The following SHROOM3 variants were observed in gnomAD, a reference collection of about 807,000 sequenced individuals.
SHROOM3 encodes the protein protein Shroom3.
In SHROOM3, 47 loss-of-function variants were observed where a neutral mutation model predicts 138.6. That is an observed-to-expected ratio of 0.34 (90% CI 0.27 to 0.43). The LOEUF (loss-of-function observed/expected upper bound fraction) is 0.43. SHROOM3 is among the 20% of genes least tolerant of loss of function. SHROOM3 has a pLI of 1.00. For missense variants in SHROOM3, 2,491 were observed against 2,596.5 expected, an observed-to-expected ratio of 0.96 and a Z score of 0.88; for synonymous variants, 1,062 against 1,063.3, an observed-to-expected ratio of 1.00 and a Z score of 0.02.
chr4:76,770,928 GTTCTCCC>G, intron 10 of SHROOM3, 30 bp downstream of exon 10: 3 of 1,614,070 alleles, frequency 1.9e-6, no homozygotes, highest in Non-Finnish European at 8.5e-7. Flanking sequence ...AGTTCAACAA[GTTCTCCC>G]TCAAAGCCCA....
chr4:76,691,645 C>A (rs942033216), intron 2 of SHROOM3, among the ~76,000 whole-genome samples: 4 of 152,154 alleles, frequency 2.6e-5, no homozygotes, highest in Non-Finnish European at 5.9e-5. Context: ...TGAACTGATT[C>A]ATGGGAATTA....
chr4:76,562,822 A>G (rs1415568025), intron 2 of SHROOM3, among the ~76,000 whole-genome samples: 7 of 152,234 alleles, frequency 4.6e-5, no homozygotes, highest in Admixed American at 1.3e-4. Flanking sequence ...TTTAAAAGCA[A>G]ATGGAACAGA....
At chr4:76,662,008 T>C (rs1718514100) in intron 2 of SHROOM3, among the ~76,000 whole-genome samples, 1 of 152,206 alleles carries the variant, frequency 6.6e-6, no homozygotes, top group South Asian at 2.1e-4. Context: ...TACTGGCAGT[T>C]GTGTTAGTTT....
At chr4:76,611,030 G>C (rs1172035143) in intron 2 of SHROOM3, among the ~76,000 whole-genome samples, 1 of 152,086 alleles carries the variant, frequency 6.6e-6, no homozygotes, top group Non-Finnish European at 1.5e-5. Flanking sequence ...AGAGTTCTAA[G>C]GTGATTTTTT....
intron 3 of SHROOM3, among the ~76,000 whole-genome samples, chr4:76,720,160 T>G (rs1434095281): frequency 2.9e-5 from 4 of 138,664 alleles, no homozygotes; most frequent in East Asian, 2.1e-4. Context: ...GGTTTTTTTT[T>G]TTTTTTTTTT....
At chr4:76,608,211 C>G (rs932355778) in intron 2 of SHROOM3, among the ~76,000 whole-genome samples, 4 of 152,206 alleles carry the variant, frequency 2.6e-5, no homozygotes, top group African/African-American at 9.7e-5. Flanking sequence ...CAACACTTGC[C>G]TAATCTACCA....
At chr4:76,559,065 G>A (rs956532053) in intron 2 of SHROOM3, 5 of 152,170 alleles carry the variant, frequency 3.3e-5, no homozygotes, top group Admixed American at 2.0e-4. Context: ...TAATGCAATC[G>A]ATAAGGTTAC....
At chr4:76,624,139 A>G (rs1229277553) in intron 2 of SHROOM3, among the ~76,000 whole-genome samples, 2 of 152,252 alleles carry the variant, frequency 1.3e-5, no homozygotes, top group African/African-American at 4.8e-5. Flanking sequence ...CATAATTAAA[A>G]TGATCATAAA....
At chr4:76,695,861 G>A (rs1027413759) in intron 2 of SHROOM3, among the ~76,000 whole-genome samples, 20 of 152,180 alleles carry the variant, frequency 1.3e-4, no homozygotes, top group African/African-American at 4.8e-4. Flanking sequence ...GTGGTGCCAC[G>A]TTGGTCTATT....
intron 2 of SHROOM3, among the ~76,000 whole-genome samples, chr4:76,640,700 C>G (rs1372288723): frequency 2.6e-5 from 4 of 152,194 alleles, no homozygotes; most frequent in Non-Finnish European, 4.4e-5. Context: ...TGCCGTTCTA[C>G]AGATGGAGAA....
chr4:76,657,600 G>A (rs1307247490), intron 2 of SHROOM3, among the ~76,000 whole-genome samples: 1 of 152,176 alleles, frequency 6.6e-6, no homozygotes, highest in Non-Finnish European at 1.5e-5. Flanking sequence ...CTCTCCTAAT[G>A]TTCCCAAATA....
At chr4:76,696,689 A>G (rs1719745422) in intron 2 of SHROOM3, among the ~76,000 whole-genome samples, 1 of 152,156 alleles carries the variant, frequency 6.6e-6, no homozygotes, top group Non-Finnish European at 1.5e-5. Context: ...TGCTTGGTCA[A>G]ATAAAAATGA....
intron 1 of SHROOM3, among the ~76,000 whole-genome samples, chr4:76,540,894 A>T (rs1475147472): frequency 6.6e-6 from 1 of 152,228 alleles, no homozygotes; most frequent in Non-Finnish European, 1.5e-5. Flanking sequence ...CTAAAATGAG[A>T]TAGGGCATGT....
intron 5 of SHROOM3, among the ~76,000 whole-genome samples, chr4:76,744,903 G>C (rs1442489920): frequency 6.6e-6 from 1 of 152,292 alleles, no homozygotes; most frequent in South Asian, 2.1e-4. Context: ...CAAAAACAAA[G>C]TCATCATGGA....
chr4:76,588,688 G>A (rs781424216), intron 2 of SHROOM3, among the ~76,000 whole-genome samples: 1 of 152,080 alleles, frequency 6.6e-6, no homozygotes, highest in Admixed American at 6.5e-5. Context: ...GCTGGGTGAA[G>A]ACCTCCCTTA....
At chr4:76,590,123 C>T (rs1169572405) in intron 2 of SHROOM3, among the ~76,000 whole-genome samples, 2 of 152,188 alleles carry the variant, frequency 1.3e-5, no homozygotes, top group Non-Finnish European at 2.9e-5. Context: ...CTGGATCACT[C>T]TGTGACTGAA....
intron 2 of SHROOM3, among the ~76,000 whole-genome samples, chr4:76,591,737 A>T (rs1734277418): frequency 6.6e-6 from 1 of 151,392 alleles, no homozygotes; most frequent in South Asian, 2.1e-4. Context: ...TTTCTGAAAC[A>T]CAGGTTCCTA....
chr4:76,697,199 A>T (rs1438247897), intron 2 of SHROOM3, among the ~76,000 whole-genome samples: 1 of 148,040 alleles, frequency 6.8e-6, no homozygotes, highest in Non-Finnish European at 1.5e-5. Context: ...AAACACTGGG[A>T]TTAAGGTGTC....
rs1282413706 is a variant in SHROOM3 at position 76,781,832 on chromosome 4, C to G, written c.*2655C>G. The G allele has an allele frequency of 2.0e-5, 3 of 152,190 alleles. No individual in the cohort carries two copies. In the East Asian group the frequency reaches 5.8e-4, roughly 29 times the overall value. 9.4% of individuals were successfully genotyped at this position (152,190 alleles called of 1,614,324 possible). A position where few individuals can be genotyped will look rare whatever the true frequency, so the allele number is the denominator to read the frequency against. ...TCCCAACAGTATCCTTTGCCAAGAC[C>G]ATGAGAACAGTAAGGAGCATGTTGT... On this transcript the variant is annotated 3_prime_UTR_variant, in exon 11 of 11. Transcript: ENST00000296043.
Sources: allele counts gnomAD v4.1 joint callset (sites outside exome capture counted in the v4.1 genomes callset), GRCh38; gene constraint gnomAD v4.1.1; transcripts MANE v1.5; gene names NCBI Gene and HGNC (gene_info 2026-07-23, HGNC 2026-07-21).